CREB5: variants seen among roughly 807,000 people sequenced by gnomAD.
CREB5 encodes the protein cAMP responsive element binding protein 5, also known as cyclic AMP-responsive element-binding protein 5.
Under a neutral mutation model 57.1 loss-of-function variants are expected in CREB5, and 19 were observed. The ratio of observed to expected loss-of-function variants is 0.33; its 90% CI spans 0.23 to 0.49. CREB5 has a LOEUF of 0.49. Among genes scored for constraint, CREB5 ranks in the 20% least tolerant of loss-of-function variants. The pLI is 0.99. For missense variants in CREB5, 579 were observed against 671.6 expected (o/e 0.86, Z 1.52); for synonymous variants, 238 against 238.3 (o/e 1.00, Z 0.01).
chr7:28,560,879 CGTGCGTGCGTGTGTGTGCGT>C (rs1795134189), intron 4 of CREB5, among the ~76,000 whole-genome samples: 1 of 22,054 alleles, frequency 4.5e-5, no homozygotes, highest in Non-Finnish European at 1.0e-4. Flanking sequence ...CGTGCGCGTG[CGTGCGTGCGTGTGTGTGCGT>C]GCGCGCGTGC....
chr7:28,429,120 G>A (rs1164513228), intron 1 of CREB5, among the ~76,000 whole-genome samples: 2 of 152,072 alleles, frequency 1.3e-5, no homozygotes, highest in East Asian at 1.9e-4. Flanking sequence ...CCCCCTCCCT[G>A]GTTCAAGCGA....
chr7:28,575,256 T>C (rs1795861514), intron 5 of CREB5, among the ~76,000 whole-genome samples: 1 of 152,230 alleles, frequency 6.6e-6, no homozygotes, highest in South Asian at 2.1e-4. Context: ...GGCTTTGCTG[T>C]GTGAGTTCAC....
chr7:28,565,812 T>C (rs542426131), intron 4 of CREB5, among the ~76,000 whole-genome samples: 10 of 152,202 alleles, frequency 6.6e-5, no homozygotes, highest in African/African-American at 2.4e-4. Context: ...TCCCAGCTAC[T>C]CAGGGGGCTG....
intron 5 of CREB5, among the ~76,000 whole-genome samples, chr7:28,580,123 A>ATGTT (rs1271514455): frequency 1.3e-5 from 2 of 152,208 alleles, no homozygotes; most frequent in African/African-American, 4.8e-5. Context: ...CCAAAGCCCC[A>ATGTT]TGTTGAGTCA....
chr7:28,315,637 A>T (rs771775235), intron 1 of CREB5, among the ~76,000 whole-genome samples: 1 of 152,186 alleles, frequency 6.6e-6, no homozygotes, highest in East Asian at 1.9e-4. Context: ...CCTCCCAGAA[A>T]GGGTTCTTTT....
chr7:28,342,128 T>A (rs1246736591), intron 1 of CREB5, among the ~76,000 whole-genome samples: 4 of 152,222 alleles, frequency 2.6e-5, no homozygotes, highest in Admixed American at 6.5e-5. Context: ...GCAGAGAATG[T>A]CCTGTCCCCC....
chr7:28,715,551 A>G (rs1802640428), intron 5 of CREB5, among the ~76,000 whole-genome samples: 1 of 152,228 alleles, frequency 6.6e-6, no homozygotes, highest in Non-Finnish European at 1.5e-5. Context: ...TAACGATATG[A>G]GCATTCTGGA....
chr7:28,454,248 C>T (rs193162265), intron 1 of CREB5, among the ~76,000 whole-genome samples: 30 of 152,278 alleles, frequency 2.0e-4, no homozygotes, highest in African/African-American at 6.3e-4. Context: ...CCACCACGCG[C>T]GGCTCCAATT....
In CREB5 at chr7:28,753,906, G is replaced by A. The variant is rs189625105; in HGVS notation, c.702+29574G>A. 7.3e-5 allele frequency among the ~76,000 whole-genome samples: 11 copies of A among 151,194 alleles called. No homozygotes were observed. In the East Asian group the frequency reaches 1.9e-3, roughly 27 times the overall value. ...ATGAGAGAAGGTTAACCCTACCAGGGATACAGTTTTTCAGAAAAAAAGAAG... is the reference window on the plus strand; with the variant it reads ...ATGAGAGAAGGTTAACCCTACCAGGAATACAGTTTTTCAGAAAAAAAGAAG... On this transcript the variant is annotated intron_variant, in intron 7 of 10. Transcript: ENST00000357727.
intron 5 of CREB5, among the ~76,000 whole-genome samples, chr7:28,574,703 C>G (rs1795837833): frequency 6.6e-6 from 1 of 152,192 alleles, no homozygotes; most frequent in Non-Finnish European, 1.5e-5. Flanking sequence ...TTGTAGGGCA[C>G]TGGCCAAATA....
At chr7:28,560,841 T>TGCGTGCGTGTGCGCGCGCGC (rs1562797105) in intron 4 of CREB5, among the ~76,000 whole-genome samples, 1 of 75,062 alleles carries the variant, frequency 1.3e-5, no homozygotes, top group Non-Finnish European at 2.9e-5. Context: ...CGCGTGTGTG[T>TGCGTGCGTGTGCGCGCGCGC]GTGCGCGTGT....
At chr7:28,346,001 G>A (rs1052179850) in intron 1 of CREB5, among the ~76,000 whole-genome samples, 2 of 152,154 alleles carry the variant, frequency 1.3e-5, no homozygotes, top group Non-Finnish European at 2.9e-5. Context: ...TTCAGACACA[G>A]ATACCACATT....
chr7:28,339,324 A>G (rs967601679), intron 1 of CREB5, among the ~76,000 whole-genome samples: 1 of 152,160 alleles, frequency 6.6e-6, no homozygotes, highest in Non-Finnish European at 1.5e-5. Flanking sequence ...TTTAGTCATC[A>G]CAGCCATATT....
At chr7:28,680,809 A>G (rs1005623901) in intron 5 of CREB5, among the ~76,000 whole-genome samples, 1 of 151,100 alleles carries the variant, frequency 6.6e-6, no homozygotes, top group Admixed American at 6.6e-5. Context: ...TTCCCCCACC[A>G]TTATTTGAGT....
intron 7 of CREB5, among the ~76,000 whole-genome samples, chr7:28,784,448 C>A (rs763962056): frequency 7.9e-5 from 12 of 152,206 alleles, no homozygotes; most frequent in Middle Eastern, 3.4e-3. Flanking sequence ...CACTCTAACC[C>A]TTTCTCGGGG....
chr7:28,710,002 A>G (rs958984736), intron 5 of CREB5, among the ~76,000 whole-genome samples: 7 of 152,212 alleles, frequency 4.6e-5, no homozygotes, highest in African/African-American at 7.2e-5. Context: ...AACATAGTGT[A>G]GATTGGAGAC....
chr7:28,312,050 G>A (rs544897564), intron 1 of CREB5, among the ~76,000 whole-genome samples: 3 of 152,004 alleles, frequency 2.0e-5, no homozygotes, highest in Non-Finnish European at 4.4e-5. Context: ...TGTAAAGACC[G>A]TTTTTTTGAG....
At chr7:28,817,493 T>C (rs1583815138) in intron 9 of CREB5, among the ~76,000 whole-genome samples, 3 of 152,248 alleles carry the variant, frequency 2.0e-5, no homozygotes, top group South Asian at 2.1e-4. Flanking sequence ...CAGCTTATTC[T>C]GATTGCATTT....
chr7:28,504,448 C>T (rs1411099191), intron 3 of CREB5, among the ~76,000 whole-genome samples: 1 of 152,040 alleles, frequency 6.6e-6, no homozygotes, highest in Admixed American at 6.6e-5. Flanking sequence ...GATAGGAGGC[C>T]CTTGGGGGGT....
Sources: allele counts gnomAD v4.1 joint callset (sites outside exome capture counted in the v4.1 genomes callset), GRCh38; gene constraint gnomAD v4.1.1; transcripts MANE v1.5; gene names NCBI Gene and HGNC (gene_info 2026-07-23, HGNC 2026-07-21).